Variants in SYT16 observed in about 807,000 individuals in gnomAD.
SYT16 encodes the protein synaptotagmin 16.
A neutral mutation model predicts 61.4 loss-of-function variants in SYT16; 42 were observed. That is an observed-to-expected ratio of 0.68 (90% confidence interval 0.53 to 0.89). SYT16 has a LOEUF of 0.89. SYT16 is among the 40% of genes least tolerant of loss of function. The pLI, the probability that SYT16 is intolerant of heterozygous loss-of-function variation, is 0.00. For missense variants in SYT16, 804 were observed against 807.3 expected, an observed-to-expected ratio of 1.00 and a Z score of 0.05; for synonymous variants, 314 against 302.3, an observed-to-expected ratio of 1.04 and a Z score of -0.40.
chr14:61,872,164 G>A (rs1024976062), intron 1 of SYT16, among the ~76,000 whole-genome samples: 1 of 152,092 alleles, frequency 6.6e-6, no homozygotes, highest in African/African-American at 2.4e-5. Flanking sequence ...AGCATTGATT[G>A]ATGCATAATG....
chr14:62,020,451 A>G (rs545428047), intron 3 of SYT16, among the ~76,000 whole-genome samples: 3 of 152,264 alleles, frequency 2.0e-5, no homozygotes, highest in Non-Finnish European at 2.9e-5. Flanking sequence ...CCGTCTTTAG[A>G]ATAGTTCCTA....
rs143767413 is a variant in SYT16 at position 61,965,666 on chromosome 14, G to A, written c.-324-4466G>A. Among the ~76,000 whole-genome samples, 473 of 152,252 alleles carry A rather than the reference G, an allele frequency of 3.1e-3. 4 individuals carry two copies. Among genetic ancestry groups the A allele is most frequent in the African/African-American group, 0.011 (443 of 41,568 alleles). On this transcript the variant is annotated intron_variant, in intron 1 of 7. Transcript: ENST00000683842. ...TTAACTTCTTTAACTTAGTGAAAAT[G>A]TGTAGGGAATGTTTAATATCTGTCA...
intron 2 of SYT16, among the ~76,000 whole-genome samples, chr14:61,970,538 AAT>A (rs1370988460): frequency 6.6e-6 from 1 of 152,172 alleles, no homozygotes; most frequent in Non-Finnish European, 1.5e-5. Context: ...TTGGAGAAAA[AAT>A]ATGTGTTCTG....
chr14:61,917,951 G>A (rs1041363424), intron 1 of SYT16, among the ~76,000 whole-genome samples: 1 of 152,094 alleles, frequency 6.6e-6, no homozygotes, highest in Non-Finnish European at 1.5e-5. Context: ...AAATGCTTTC[G>A]TGCATGAAAT....
intron 1 of SYT16, among the ~76,000 whole-genome samples, chr14:61,918,646 TA>T (rs1412867442): frequency 2.0e-5 from 3 of 151,976 alleles, no homozygotes; most frequent in Non-Finnish European, 4.4e-5. Flanking sequence ...CTTTTAAAAA[TA>T]AAATACATGA....
chr14:62,003,911 G>A (rs1224502956), intron 3 of SYT16, among the ~76,000 whole-genome samples: 2 of 152,144 alleles, frequency 1.3e-5, no homozygotes, highest in Non-Finnish European at 2.9e-5. Context: ...TTTAATAAGT[G>A]AATGAAAGGA....
chr14:61,885,831 A>G (rs1355303172), intron 1 of SYT16, among the ~76,000 whole-genome samples: 6 of 152,312 alleles, frequency 3.9e-5, no homozygotes, highest in African/African-American at 1.2e-4. Flanking sequence ...AAAATATTTT[A>G]TAGCTAAAAA....
intron 1 of SYT16, among the ~76,000 whole-genome samples, chr14:61,843,772 C>G (rs1008232131): frequency 1.3e-5 from 2 of 152,130 alleles, no homozygotes; most frequent in African/African-American, 4.8e-5. Context: ...TGCATCTGCT[C>G]TTATGCCAGT....
chr14:61,997,990 G>C (rs766031539), intron 3 of SYT16, among the ~76,000 whole-genome samples: 1 of 151,904 alleles, frequency 6.6e-6, no homozygotes, highest in Non-Finnish European at 1.5e-5. Context: ...GTGTTGGGTA[G>C]GAGATCAAAT....
rs2057464834 is a variant in SYT16 at position 62,103,820 on chromosome 14, G to A, written c.*3113G>A. On this transcript the variant is annotated 3_prime_UTR_variant, in exon 8 of 8. Coordinates refer to ENST00000683842, the MANE Select transcript of SYT16 (RefSeq NM_001367656.1). Reference sequence around the variant, plus strand: ...GGAAAAGAATCATCACCATGTTTGTGAGAGGGAAAAGAGTATGGCATTGCA... The same window carrying A: ...GGAAAAGAATCATCACCATGTTTGTAAGAGGGAAAAGAGTATGGCATTGCA... 1 of 152,196 alleles carries A rather than the reference G, an allele frequency of 6.6e-6. No homozygotes were observed. Among genetic ancestry groups the A allele is most frequent in the Non-Finnish European group, 1.5e-5 (1 of 68,038 alleles). The allele number at this position is 152,196 out of a possible 1,614,324, so 9.4% of individuals were successfully genotyped here. A position where few individuals can be genotyped will look rare whatever the true frequency, so the allele number is the denominator to read the frequency against.
At chr14:61,826,380 G>A (rs150772952) in intron 1 of SYT16, among the ~76,000 whole-genome samples, 14 of 152,174 alleles carry the variant, frequency 9.2e-5, no homozygotes, top group African/African-American at 3.1e-4. Context: ...AGAGTGTTTT[G>A]TTCTCATCAA....
intron 3 of SYT16, among the ~76,000 whole-genome samples, chr14:62,006,526 T>C (rs1276464465): frequency 6.6e-6 from 1 of 152,186 alleles, no homozygotes; most frequent in Non-Finnish European, 1.5e-5. Flanking sequence ...AGAGGGATGC[T>C]GAACGCTTTT....
chr14:61,928,980 T>C (rs2049650848), intron 1 of SYT16, among the ~76,000 whole-genome samples: 1 of 152,240 alleles, frequency 6.6e-6, no homozygotes, highest in African/African-American at 2.4e-5. Context: ...AAATTCACTT[T>C]GTACCATGGA....
At position 61,905,990 on chromosome 14, in the gene SYT16, C is replaced by T. The variant is rs527397805; in HGVS notation, c.-324-64142C>T. On this transcript the variant is annotated intron_variant, in intron 1 of 7. Transcript: ENST00000683842. The stretch of plus-strand genomic sequence containing the variant: ...CAGGATGGTCTTGAGCTCTTGACCT[C>T]GTGATCCGCCTGCCTTGGCCTTCCA... Among the ~76,000 whole-genome samples the T allele has an allele frequency of 8.5e-5, 13 of 152,184 alleles. No homozygotes were observed. In the South Asian group the frequency reaches 1.9e-3, roughly 22 times the overall value.
chr14:61,849,706 A>G (rs2046553519), intron 1 of SYT16, among the ~76,000 whole-genome samples: 1 of 152,124 alleles, frequency 6.6e-6, no homozygotes, highest in African/African-American at 2.4e-5. Context: ...GAGGGGTGGC[A>G]TTGGCAGTTC....
intron 3 of SYT16, among the ~76,000 whole-genome samples, chr14:62,048,002 G>A (rs1216364436): frequency 2.0e-5 from 3 of 152,176 alleles, no homozygotes; most frequent in Non-Finnish European, 4.4e-5. Context: ...AAATGAGTTA[G>A]GGAGGATTCC....
intron 1 of SYT16, among the ~76,000 whole-genome samples, chr14:61,888,484 T>C (rs2048000334): frequency 6.6e-6 from 1 of 152,046 alleles, no homozygotes; most frequent in Non-Finnish European, 1.5e-5. Context: ...GGGAGAGATG[T>C]GGGGGAATGA....
At chr14:62,003,211 G>T (rs2053090893) in intron 3 of SYT16, among the ~76,000 whole-genome samples, 2 of 152,032 alleles carry the variant, frequency 1.3e-5, no homozygotes, top group Admixed American at 6.6e-5. Flanking sequence ...TTCTTATTTT[G>T]CCTGTAGTAG....
At chr14:61,970,379 A>G (rs1033466816) in intron 2 of SYT16, 68 bp downstream of exon 2, 4 of 152,216 alleles carry the variant, frequency 2.6e-5, no homozygotes, top group African/African-American at 9.7e-5. Context: ...GGTGGACATG[A>G]TGAATCGACT....
Sources: gnomAD v4.1 joint callset for allele counts (sites outside exome capture counted in the v4.1 genomes callset) on GRCh38, gnomAD v4.1.1 for gene constraint, MANE v1.5 for transcripts, NCBI Gene and HGNC (gene_info 2026-07-23, HGNC 2026-07-21) for gene names.